NAV2: variants seen among roughly 807,000 people sequenced by gnomAD.
The protein encoded by NAV2 is neuron navigator 2.
A neutral mutation model predicts 223.2 loss-of-function variants in NAV2; 54 were observed. That is an observed-to-expected ratio of 0.24 (90% CI 0.19 to 0.30). The LOEUF (loss-of-function observed/expected upper bound fraction) is 0.30. Ranked by LOEUF, NAV2 falls within the 10% of genes least tolerant of loss-of-function variation. The probability of loss-of-function intolerance (pLI) is 1.00; values close to 1 mark genes in which losing one functional copy is unlikely to be tolerated. For missense variants in NAV2, 2,806 were observed against 3,147.5 expected, an observed-to-expected ratio of 0.89 and a Z score of 2.60; for synonymous variants, 1,279 against 1,239.3, an observed-to-expected ratio of 1.03 and a Z score of -0.67.
intron 1 of NAV2, among the ~76,000 whole-genome samples, chr11:19,394,709 T>A (rs1849381467): frequency 1.3e-5 from 2 of 151,712 alleles, no homozygotes; most frequent in African/African-American, 4.8e-5. Flanking sequence ...AGTTGATGAG[T>A]GAAACAGGAG....
At chr11:19,751,146 T>C (rs1453155442) in intron 1 of NAV2, among the ~76,000 whole-genome samples, 1 of 152,100 alleles carries the variant, frequency 6.6e-6, no homozygotes, top group Non-Finnish European at 1.5e-5. Flanking sequence ...TCCCCTTTCC[T>C]CCCAAAGAAG....
intron 1 of NAV2, among the ~76,000 whole-genome samples, chr11:19,650,606 C>CA (rs772284135): frequency 5.3e-5 from 8 of 152,114 alleles, no homozygotes; most frequent in Admixed American, 3.9e-4. Context: ...TAGGGCTACA[C>CA]AAAAAACTTG....
At position 19,586,765 on chromosome 11, in the gene NAV2, C is replaced by T. The variant is rs112596289; in HGVS notation, c.75+235738C>T. Among the ~76,000 whole-genome samples the T allele has an allele frequency of 6.4e-3, 971 of 152,278 alleles. 10 individuals are homozygous for T. The highest frequency in any genetic ancestry group is 0.022 in the African/African-American group (921 of 41,556). ...GTTTTGTCTCAGAGGAGTACGCAGC[C>T]GTGTAAGGGTCAGTCTGCCCCTACT... On this transcript the variant is annotated intron_variant, in intron 1 of 37. Transcript: ENST00000360655.
At chr11:19,602,238 C>T (rs966656458) in intron 1 of NAV2, among the ~76,000 whole-genome samples, 12 of 143,380 alleles carry the variant, frequency 8.4e-5, no homozygotes, top group Admixed American at 4.4e-4. Flanking sequence ...AATGCAGCGG[C>T]GTGACCTCAG....
At chr11:19,610,106 C>A (rs2046595002) in intron 1 of NAV2, among the ~76,000 whole-genome samples, 1 of 152,160 alleles carries the variant, frequency 6.6e-6, no homozygotes, top group South Asian at 2.1e-4. Flanking sequence ...TAGAAAGAGC[C>A]ATTTGACAGC....
chr11:19,568,884 A>G (rs1199876446), intron 1 of NAV2, among the ~76,000 whole-genome samples: 1 of 152,202 alleles, frequency 6.6e-6, no homozygotes, highest in African/African-American at 2.4e-5. Flanking sequence ...ATTAACTTAC[A>G]TTTCAGATGT....
intron 1 of NAV2, among the ~76,000 whole-genome samples, chr11:19,701,208 G>A (rs1348716154): frequency 1.3e-5 from 2 of 152,142 alleles, no homozygotes; most frequent in South Asian, 2.1e-4. Context: ...GGGGTTGGGG[G>A]TTGGTGGGGG....
intron 1 of NAV2, among the ~76,000 whole-genome samples, chr11:19,720,332 G>GT (rs1025355158): frequency 6.6e-5 from 10 of 152,204 alleles, no homozygotes; most frequent in African/African-American, 2.4e-4. Flanking sequence ...GTGACACAAA[G>GT]TTTTTTGCAG....
intron 1 of NAV2, among the ~76,000 whole-genome samples, chr11:19,698,024 A>G (rs1475324100): frequency 6.6e-6 from 1 of 152,094 alleles, no homozygotes; most frequent in Non-Finnish European, 1.5e-5. Flanking sequence ...TCTTCACTAC[A>G]CTGTTGCTCA....
chr11:19,466,977 C>T (rs1010567304), intron 1 of NAV2, among the ~76,000 whole-genome samples: 1 of 107,598 alleles, frequency 9.3e-6, no homozygotes, highest in African/African-American at 3.3e-5. Context: ...TCTCTTCTCT[C>T]TCTCTCTACA....
At chr11:19,621,608 T>G (rs1445280499) in intron 1 of NAV2, among the ~76,000 whole-genome samples, 3 of 152,224 alleles carry the variant, frequency 2.0e-5, no homozygotes, top group Non-Finnish European at 4.4e-5. Context: ...GATATTCCCT[T>G]TATCATTTTT....
chr11:19,594,462 T>G (rs2046149049), intron 1 of NAV2, among the ~76,000 whole-genome samples: 1 of 151,940 alleles, frequency 6.6e-6, no homozygotes, highest in Admixed American at 6.6e-5. Context: ...GGATTTCTCC[T>G]GTGTCTTCTG....
chr11:19,381,167 C>A (rs1337643364), intron 1 of NAV2, among the ~76,000 whole-genome samples: 1 of 152,154 alleles, frequency 6.6e-6, no homozygotes, highest in African/African-American at 2.4e-5. Context: ...TTCACTGACC[C>A]ACCAAAGTTG....
Position 19,636,019 on chromosome 11 carries a change from C to T in NAV2, c.76-196465C>T, listed in dbSNP as rs1160378. Among the ~76,000 whole-genome samples the T allele has an allele frequency of 1.6e-4, 25 of 152,298 alleles. No homozygotes were observed. The East Asian group carries it at 4.6e-3, about 28-fold the overall frequency. ...TTTAGGTCCATGTCTAGTTCAATGG[C>T]TAAGTGACCATTATGCTCATGAAAT... On this transcript the variant is annotated intron_variant, in intron 1 of 37. Transcript: ENST00000360655.
At chr11:19,807,042 G>A (rs189968780) in intron 1 of NAV2, among the ~76,000 whole-genome samples, 20 of 152,202 alleles carry the variant, frequency 1.3e-4, no homozygotes, top group Non-Finnish European at 2.8e-4. Flanking sequence ...GAACTCTGAT[G>A]CACAGCTAGA....
rs184725690 is a variant in NAV2, at chr11:19,899,478, G to T, written c.931+6884G>T. Among the ~76,000 whole-genome samples, 9 of 152,310 alleles carry T rather than the reference G, an allele frequency of 5.9e-5. No homozygotes were observed. In the East Asian group the frequency reaches 1.7e-3, roughly 29 times the overall value. The stretch of plus-strand genomic sequence containing the variant: ...AGTCATCCAAGTCATGCAGACAAAA[G>T]TACAGTTGGGGTGGCCTGTTTCAGG... On this transcript the variant is annotated intron_variant, in intron 6 of 37. Transcript: ENST00000349880.
At chr11:19,690,174 C>T (rs2049129857) in intron 1 of NAV2, among the ~76,000 whole-genome samples, 1 of 152,150 alleles carries the variant, frequency 6.6e-6, no homozygotes, top group South Asian at 2.1e-4. Flanking sequence ...GTTGGTCAGG[C>T]TGCTCTAGAA....
At chr11:19,966,358 C>A (rs2048770597) in intron 10 of NAV2, among the ~76,000 whole-genome samples, 1 of 152,196 alleles carries the variant, frequency 6.6e-6, no homozygotes, top group Non-Finnish European at 1.5e-5. Context: ...CATGGAGACA[C>A]AAGCCTTGTC....
chr11:19,419,149 C>T (rs1277091394), intron 1 of NAV2, among the ~76,000 whole-genome samples: 3 of 152,248 alleles, frequency 2.0e-5, no homozygotes, highest in East Asian at 3.9e-4. Context: ...TGGGTGCCTT[C>T]CCTTTCTTTC....
Sources: allele counts gnomAD v4.1 joint callset (sites outside exome capture counted in the v4.1 genomes callset), GRCh38; gene constraint gnomAD v4.1.1; transcripts MANE v1.5; gene names NCBI Gene and HGNC (gene_info 2026-07-23, HGNC 2026-07-21).